The following KIAA1671 variants were observed in gnomAD, a reference collection of about 807,000 sequenced individuals.
The protein encoded by KIAA1671 is KIAA1671, also known as uncharacterized protein KIAA1671.
In KIAA1671, 52 loss-of-function variants were observed where a neutral mutation model predicts 131.2. The observed-to-expected ratio is 0.40, with a 90% CI of 0.32 to 0.50. KIAA1671 has a LOEUF of 0.50. Ranked by LOEUF, KIAA1671 falls within the 20% of genes least tolerant of loss-of-function variation. The probability of loss-of-function intolerance (pLI) is 0.73; values close to 1 mark genes in which losing one functional copy is unlikely to be tolerated. For missense variants in KIAA1671, 2,360 were observed against 2,364.2 expected, an observed-to-expected ratio of 1.00 and a Z score of 0.04; for synonymous variants, 1,003 against 961.6, an observed-to-expected ratio of 1.04 and a Z score of -0.80.
At chr22:25,085,306 C>T (rs1341865459) in intron 6 of KIAA1671, among the ~76,000 whole-genome samples, 4 of 152,230 alleles carry the variant, frequency 2.6e-5, no homozygotes, top group Non-Finnish European at 5.9e-5. Flanking sequence ...GGAACCAACA[C>T]TGCTGCTGGC....
chr22:25,190,900 G>A (rs1486535997), intron 12 of KIAA1671, 116 bp downstream of exon 12: 1 of 697,848 alleles, frequency 1.4e-6, no homozygotes, highest in Non-Finnish European at 2.5e-6. Context: ...AAGAGGCTGT[G>A]TAAGGGGAAG....
Position 25,160,455 on chromosome 22 carries a change from T to G in KIAA1671, c.4531-10365T>G, listed in dbSNP as rs575940131. Among the ~76,000 whole-genome samples, 29 of 152,316 alleles carry G rather than the reference T, an allele frequency of 1.9e-4. No homozygotes were observed. In the South Asian group the frequency reaches 4.1e-3, roughly 22 times the overall value. On this transcript the variant is annotated intron_variant, in intron 6 of 12. Coordinates refer to ENST00000358431, the MANE Select transcript of KIAA1671 (RefSeq NM_001145206.2). ...GCTTCTCAGTCTTGGGCTTGCTCTT[T>G]CGGTTCGGTCTTGCTCCCATCTCTG... is the stretch of plus-strand genomic sequence containing the variant.
chr22:25,022,666 G>A (rs1219955891), intron 1 of KIAA1671: 1 of 152,210 alleles, frequency 6.6e-6, no homozygotes, highest in Non-Finnish European at 1.5e-5. Context: ...AGCAACAGTA[G>A]AGAAACACTC....
chr22:25,123,048 C>A (rs545164161), intron 6 of KIAA1671, among the ~76,000 whole-genome samples: 28 of 152,254 alleles, frequency 1.8e-4, no homozygotes, highest in South Asian at 1.0e-3. Context: ...TGGCAAGGCA[C>A]AGTCAAACAT....
intron 6 of KIAA1671, among the ~76,000 whole-genome samples, chr22:25,093,808 C>CTCTCTG: frequency 7.6e-6 from 1 of 130,856 alleles, no homozygotes; most frequent in East Asian, 2.3e-4. Flanking sequence ...CTCTCTCTCT[C>CTCTCTG]TCTGTCTCTC....
intron 1 of KIAA1671, among the ~76,000 whole-genome samples, chr22:24,961,390 T>TA (rs1463839199): frequency 6.6e-6 from 1 of 152,240 alleles, no homozygotes. Context: ...GTGGTCCCTG[T>TA]ATTAGTCAAG....
intron 6 of KIAA1671, chr22:25,065,140 A>G (rs979822981): frequency 4.7e-5 from 6 of 126,900 alleles, no homozygotes; most frequent in African/African-American, 1.7e-4. Context: ...GCGAGGCAGC[A>G]AGCGGCGGCT....
chr22:25,106,616 C>T (rs1017706600), intron 6 of KIAA1671, among the ~76,000 whole-genome samples: 12 of 152,078 alleles, frequency 7.9e-5, no homozygotes, highest in African/African-American at 2.9e-4. Flanking sequence ...TTAGCAAGGA[C>T]GGGGTGGGTC....
At chr22:25,144,935 G>A (rs1489406559) in intron 6 of KIAA1671, among the ~76,000 whole-genome samples, 1 of 152,198 alleles carries the variant, frequency 6.6e-6, no homozygotes, top group Non-Finnish European at 1.5e-5. Flanking sequence ...GAAGTAAGGG[G>A]TATGTCTGCC....
intron 6 of KIAA1671, among the ~76,000 whole-genome samples, chr22:25,119,023 C>G (rs983176548): frequency 1.3e-5 from 2 of 152,214 alleles, no homozygotes; most frequent in African/African-American, 4.8e-5. Flanking sequence ...ATACTTATTT[C>G]ATGTCACTTG....
chr22:25,073,646 T>A (rs1928944467), intron 6 of KIAA1671, among the ~76,000 whole-genome samples: 1 of 152,226 alleles, frequency 6.6e-6, no homozygotes, highest in Non-Finnish European at 1.5e-5. Flanking sequence ...GAACTGCAAC[T>A]TTGTACCCTT....
chr22:25,045,378 TG>T (rs144796385), intron 5 of KIAA1671, among the ~76,000 whole-genome samples: 251 of 152,298 alleles, frequency 1.6e-3, no homozygotes, highest in African/African-American at 5.8e-3. Context: ...TAGCGTCTCA[TG>T]GGTAGAAGCC....
At chr22:25,147,350 G>T (rs1242384434) in intron 6 of KIAA1671, among the ~76,000 whole-genome samples, 1 of 151,900 alleles carries the variant, frequency 6.6e-6, no homozygotes, top group Non-Finnish European at 1.5e-5. Flanking sequence ...GTGCCACCAT[G>T]CCTGGCTCAT....
intron 1 of KIAA1671, among the ~76,000 whole-genome samples, chr22:24,958,758 G>A (rs1249630316): frequency 1.3e-5 from 2 of 151,920 alleles, no homozygotes; most frequent in East Asian, 3.9e-4. Flanking sequence ...ATCACCTGAG[G>A]TCAGGAGTTC....
intron 6 of KIAA1671, among the ~76,000 whole-genome samples, chr22:25,093,954 C>T (rs9612857): frequency 0.27 from 39,955 of 149,450 alleles, 6,706 homozygotes; most frequent in African/African-American, 0.48. Context: ...TGCCAGCCCC[C>T]GCCTTGCCTC....
intron 1 of KIAA1671, among the ~76,000 whole-genome samples, chr22:24,966,716 G>T (rs1292406682): frequency 3.3e-5 from 5 of 152,204 alleles, no homozygotes; most frequent in African/African-American, 1.2e-4. Flanking sequence ...GCTTTGGGAG[G>T]CCGAGGTGGA....
chr22:25,129,455 C>T (rs543717230), intron 6 of KIAA1671, among the ~76,000 whole-genome samples: 13 of 150,772 alleles, frequency 8.6e-5, no homozygotes, highest in South Asian at 2.1e-4. Flanking sequence ...TTCAGTGAGC[C>T]GAGATCGTAC....
chr22:24,984,912 CAAAAAAAA>C (rs60969204), intron 1 of KIAA1671, among the ~76,000 whole-genome samples: 8 of 54,452 alleles, frequency 1.5e-4, no homozygotes, highest in Admixed American at 5.0e-4. Flanking sequence ...GACTACGTCT[CAAAAAAAA>C]AAAAAAAAAA....
intron 1 of KIAA1671, among the ~76,000 whole-genome samples, chr22:24,995,359 T>G (rs1260476842): frequency 6.9e-5 from 10 of 144,764 alleles, no homozygotes; most frequent in African/African-American, 2.6e-4. Flanking sequence ...GCCAAGGTTT[T>G]TTTTTTTTTT....
Sources: allele counts gnomAD v4.1 joint callset (sites outside exome capture counted in the v4.1 genomes callset), GRCh38; gene constraint gnomAD v4.1.1; transcripts MANE v1.5; gene names NCBI Gene and HGNC (gene_info 2026-07-23, HGNC 2026-07-21).